The following P2RY8 variants were observed in gnomAD, a reference collection of about 807,000 sequenced individuals.
P2RY8 encodes the protein S-geranylgeranyl-glutathione receptor P2RY8.
Under a neutral mutation model 10.0 loss-of-function variants are expected in P2RY8, and 6 were observed. That is an observed-to-expected ratio of 0.60 (90% CI 0.33 to 1.19). The LOEUF is 1.19. Ranked by LOEUF, P2RY8 falls within the 50% of genes most tolerant of loss-of-function variation. P2RY8 has a pLI of 0.04. For missense variants in P2RY8, 456 were observed against 542.0 expected, an observed-to-expected ratio of 0.84 and a Z score of 1.58; for synonymous variants, 276 against 252.5, an observed-to-expected ratio of 1.09 and a Z score of -0.88.
At chrX:1,482,013 C>A (rs1317644410) in intron 1 of P2RY8, among the ~76,000 whole-genome samples, 1 of 152,214 alleles carries the variant, frequency 6.6e-6, no homozygotes, top group East Asian at 1.9e-4. Context: ...TTTTGATCTG[C>A]GTCTTCTGCA....
At position 1,465,971 on chromosome X, in the gene P2RY8, G is replaced by T. The variant is rs745764829; in HGVS notation, c.588C>A (p.Thr196=). 1.9e-6 allele frequency: 3 copies of T among 1,612,454 alleles called. No homozygotes were observed. In the South Asian group the frequency reaches 3.3e-5, roughly 18 times the overall value. Reference sequence around the variant, plus strand: ...GGATGAGGAACAGCAGGATGAAGATGGTGAAGAGGAACACGGCCCACATGG... The same window carrying T: ...GGATGAGGAACAGCAGGATGAAGATTGTGAAGAGGAACACGGCCCACATGG... The part of the protein sequence containing the change: ...SVAMWAVFLF[T]IFILLFLIPF... Residue 196 remains threonine (T), a synonymous_variant, in exon 2 of 2, where the codon ACC becomes ACA. Coordinates refer to ENST00000381297, the MANE Select transcript of P2RY8 (RefSeq NM_178129.5).
chrX:1,485,393 C>A (rs1487071765), intron 1 of P2RY8, among the ~76,000 whole-genome samples: 3 of 152,048 alleles, frequency 2.0e-5, no homozygotes, highest in African/African-American at 7.2e-5. Context: ...CTTGCCTTGG[C>A]CACCCAAAAT....
intron 1 of P2RY8, among the ~76,000 whole-genome samples, chrX:1,517,864 T>C (rs1320613095): frequency 1.3e-5 from 2 of 152,066 alleles, no homozygotes; most frequent in Non-Finnish European, 2.9e-5. Flanking sequence ...ATTCCAGCGC[T>C]TTAAGAGGCT....
chrX:1,488,793 G>A lies in P2RY8; in HGVS notation c.-24-22211C>T, dbSNP rs187987287. The stretch of plus-strand genomic sequence containing the variant: ...CAGGACATTCCCAATGACTGTGGAG[G>A]GAATGAATGGGTGCATGTATGAATA... On this transcript the variant is annotated intron_variant, in intron 1 of 1. Transcript: ENST00000381297. 3.8e-3 allele frequency among the ~76,000 whole-genome samples: 560 copies of A among 147,614 alleles called. 3 individuals carry two copies. Among genetic ancestry groups the A allele is most frequent in the African/African-American group, 0.013 (537 of 40,576 alleles).
intron 1 of P2RY8, among the ~76,000 whole-genome samples, chrX:1,508,010 T>G (rs1159135922): frequency 6.6e-6 from 1 of 152,028 alleles, no homozygotes; most frequent in Non-Finnish European, 1.5e-5. Flanking sequence ...CCCACCTCTT[T>G]CACCCCGTAT....
At position 1,465,154 on chromosome X, in the gene P2RY8, A is replaced by C. The variant is rs2091645743; in HGVS notation, c.*325T>G. 2 of 430,118 alleles carry C rather than the reference A, an allele frequency of 4.6e-6. No homozygotes were observed. The allele number at this position is 430,118 out of a possible 1,614,324, so 26.6% of individuals were successfully genotyped here. A position where few individuals can be genotyped will look rare whatever the true frequency, so the allele number is the denominator to read the frequency against. On this transcript the variant is annotated 3_prime_UTR_variant, in exon 2 of 2. Transcript: ENST00000381297. ...GGGTGACAGCCCAGCTCTACTAAAA[A>C]AAATACAAAAATTAGCCGGGCGTGG...
At chrX:1,475,014 G>T (rs1349797303) in intron 1 of P2RY8, among the ~76,000 whole-genome samples, 122 of 137,290 alleles carry the variant, frequency 8.9e-4, no homozygotes, top group South Asian at 1.5e-3. Flanking sequence ...GGATGTATGA[G>T]GAATGGATGA....
At chrX:1,521,085 A>C (rs1261677493) in intron 1 of P2RY8, among the ~76,000 whole-genome samples, 1 of 126,468 alleles carries the variant, frequency 7.9e-6, no homozygotes, top group Non-Finnish European at 1.5e-5. Context: ...GCCAGGCTGG[A>C]CTGCAGCGGT....
intron 1 of P2RY8, among the ~76,000 whole-genome samples, chrX:1,497,370 A>C (rs1305300776): frequency 2.0e-4 from 30 of 146,944 alleles, no homozygotes; most frequent in African/African-American, 7.3e-4. Context: ...CCCAAGCTGG[A>C]GTGTAGGCCG....
chrX:1,467,455 C>A (rs1415731734), intron 1 of P2RY8, among the ~76,000 whole-genome samples: 1 of 152,186 alleles, frequency 6.6e-6, no homozygotes, highest in African/African-American at 2.4e-5. Flanking sequence ...GCACCGCTCC[C>A]CACGGCCAGC....
intron 1 of P2RY8, among the ~76,000 whole-genome samples, chrX:1,473,257 A>G (rs2091818719): frequency 6.9e-6 from 1 of 145,542 alleles, no homozygotes; most frequent in Admixed American, 6.9e-5. Flanking sequence ...GCGTGGACGG[A>G]TGGGTGAATA....
intron 1 of P2RY8, among the ~76,000 whole-genome samples, chrX:1,521,018 C>T (rs1215285039): frequency 6.9e-6 from 1 of 145,246 alleles, no homozygotes; most frequent in Non-Finnish European, 1.5e-5. Flanking sequence ...CCAATATCCT[C>T]TCTGATTTTT....
rs199598655 is a variant in P2RY8, at chrX:1,464,797, T to TG, written c.*681dup. ...TCAGCAACAGGGTGGGGTGTGTGTG[T>TG]GGGGGGAAGTGGGCACGGAGAGTAG... On this transcript the variant is annotated 3_prime_UTR_variant, in exon 2 of 2. Transcript: ENST00000381297. The TG allele has an allele frequency of 2.3e-4, 54 of 232,406 alleles. No individual in the cohort carries two copies. Among genetic ancestry groups the TG allele is most frequent in the African/African-American group, 9.6e-4 (43 of 45,012 alleles). The allele number at this position is 232,406 out of a possible 1,614,324, so 14.4% of individuals were successfully genotyped here.
chrX:1,465,457 C>T lies in P2RY8; in HGVS notation c.*22G>A. The T allele has an allele frequency of 6.3e-7, 1 of 1,580,160 alleles. No individual in the cohort carries two copies. The highest frequency in any genetic ancestry group is 8.6e-7 in the Non-Finnish European group (1 of 1,164,996). Reference sequence around the variant, plus strand: ...GGATCTCCAAGCTGCGCCCCCGGCTCTCCAAGCTGCGCCCCCGGGACTCAG... The same window carrying T: ...GGATCTCCAAGCTGCGCCCCCGGCTTTCCAAGCTGCGCCCCCGGGACTCAG... On this transcript the variant is annotated 3_prime_UTR_variant, in exon 2 of 2. Coordinates refer to ENST00000381297, the MANE Select transcript of P2RY8 (RefSeq NM_178129.5).
chrX:1,513,775 C>G (rs1224705550), intron 1 of P2RY8, among the ~76,000 whole-genome samples: 2 of 151,368 alleles, frequency 1.3e-5, no homozygotes, highest in African/African-American at 4.9e-5. Flanking sequence ...TCCCTCCTGC[C>G]TCTCCCAGCT....
At chrX:1,526,348 A>G (rs768183436) in intron 1 of P2RY8, among the ~76,000 whole-genome samples, 9 of 151,850 alleles carry the variant, frequency 5.9e-5, no homozygotes, top group Non-Finnish European at 1.3e-4. Context: ...CCATCCATCC[A>G]TCTACTCAGT....
intron 1 of P2RY8, among the ~76,000 whole-genome samples, chrX:1,529,934 G>T (rs71212464): frequency 0.095 from 14,415 of 151,942 alleles, 886 homozygotes; most frequent in Non-Finnish European, 0.14. Flanking sequence ...CTGGCATCTG[G>T]TGGGTGGATC....
At chrX:1,490,781 G>A (rs1330935006) in intron 1 of P2RY8, among the ~76,000 whole-genome samples, 2 of 149,582 alleles carry the variant, frequency 1.3e-5, no homozygotes, top group African/African-American at 2.5e-5. Flanking sequence ...TTCTGCAAAC[G>A]TAGAGAGAAT....
At chrX:1,491,146 G>A (rs2092044023) in intron 1 of P2RY8, among the ~76,000 whole-genome samples, 1 of 148,956 alleles carries the variant, frequency 6.7e-6, no homozygotes, top group Non-Finnish European at 1.5e-5. Context: ...TGGAGGGAAT[G>A]AATGAATGAT....
Sources: allele counts gnomAD v4.1 joint callset (sites outside exome capture counted in the v4.1 genomes callset), GRCh38; gene constraint gnomAD v4.1.1; transcripts MANE v1.5; gene names NCBI Gene and HGNC (gene_info 2026-07-23, HGNC 2026-07-21).